CCDC30: variants seen among roughly 807,000 people sequenced by gnomAD.
The protein encoded by CCDC30 is coiled-coil domain-containing protein 30.
In CCDC30, 70 loss-of-function variants were observed where a neutral mutation model predicts 100.2. The observed-to-expected ratio is 0.70, with a 90% CI of 0.58 to 0.85. The LOEUF is 0.85. Ranked by LOEUF, CCDC30 falls within the 40% of genes least tolerant of loss-of-function variation. The probability of loss-of-function intolerance (pLI) is 0.00; values close to 1 mark genes in which losing one functional copy is unlikely to be tolerated. For synonymous variants in CCDC30, 233 were observed against 269.5 expected (o/e 0.86, Z 1.33); for missense variants, 652 against 771.2 (o/e 0.85, Z 1.83).
At chr1:42,538,619 A>T (rs546531392) in intron 6 of CCDC30, among the ~76,000 whole-genome samples, 15 of 152,130 alleles carry the variant, frequency 9.9e-5, no homozygotes, top group South Asian at 2.1e-4. Flanking sequence ...AAATAAATAA[A>T]TTTTTTTTAA....
downstream of CCDC30, among the ~76,000 whole-genome samples, chr1:42,656,231 TTTC>T (rs1213849305): frequency 6.6e-6 from 1 of 152,218 alleles, no homozygotes; most frequent in East Asian, 1.9e-4. Flanking sequence ...ATGTAGTTCT[TTTC>T]TTCTTTTGAA....
intron 11 of CCDC30, among the ~76,000 whole-genome samples, chr1:42,636,207 G>C (rs1303599611): frequency 1.3e-5 from 2 of 151,760 alleles, no homozygotes; most frequent in African/African-American, 4.8e-5. Flanking sequence ...ATAGTTTGAG[G>C]CAGAGTTTAA....
At chr1:42,577,405 C>A (rs976555539) in intron 8 of CCDC30, among the ~76,000 whole-genome samples, 176 bp downstream of exon 12, 1 of 151,948 alleles carries the variant, frequency 6.6e-6, no homozygotes, top group Non-Finnish European at 1.5e-5. Context: ...TTTAGGAATT[C>A]TTGTGTATTT....
intron 1 of CCDC30, among the ~76,000 whole-genome samples, chr1:42,477,369 A>G (rs1237985207): frequency 6.6e-6 from 1 of 152,040 alleles, no homozygotes; most frequent in African/African-American, 2.4e-5. Flanking sequence ...AGCTGGGACT[A>G]CAGATGCACG....
At chr1:42,459,160 T>G (rs1643330210), upstream of CCDC30, 2 of 146,866 alleles carry the variant, frequency 1.4e-5, no homozygotes, top group African/African-American at 5.1e-5. Flanking sequence ...CAAGGCTTTT[T>G]TTTTTTTTTT....
At chr1:42,459,299 A>G (rs757076682), upstream of CCDC30, 3 of 295,868 alleles carry the variant, frequency 1.0e-5, no homozygotes, top group Non-Finnish European at 1.9e-5. Context: ...AGTAGCTGGG[A>G]CTACAGGTGG....
chr1:42,584,343 C>T (rs1467699888), intron 9 of CCDC30, among the ~76,000 whole-genome samples: 1 of 152,190 alleles, frequency 6.6e-6, no homozygotes, highest in Non-Finnish European at 1.5e-5. Context: ...GTAATCCCAG[C>T]ATGTTAGGAG....
chr1:42,551,104 A>G (rs1288553721), intron 6 of CCDC30, among the ~76,000 whole-genome samples: 1 of 152,188 alleles, frequency 6.6e-6, no homozygotes, highest in Non-Finnish European at 1.5e-5. Context: ...ATTTTACTTC[A>G]AAAATCCCAA....
rs1392013492 is a variant in CCDC30 at position 42,546,400 on chromosome 1, ATATATATATATAT to A, written c.457-19895_457-19883del. On this transcript the variant is annotated intron_variant, in intron 6 of 16. Transcript: ENST00000668663. ...AATTCTGTCTCAAAAAAAAAAAAAA[ATATATATATATAT>A]ATATATATATATATATATATATATA... Among the ~76,000 whole-genome samples, 20 of 97,592 alleles carry A rather than the reference ATATATATATATAT, an allele frequency of 2.0e-4. 2 individuals are homozygous for A. The highest frequency in any genetic ancestry group is 9.8e-4 in the South Asian group (3 of 3,068). The allele number at this position is 97,592 out of a possible 152,430, so 64.0% of individuals were successfully genotyped here.
exon 2 of CCDC30, chr1:42,480,514 C>T (rs1376789109): frequency 1.8e-6 from 1 of 566,448 alleles, no homozygotes; most frequent in East Asian, 1.4e-4. Flanking sequence ...GCCTCAACCT[C>T]CTGGGCTCAA....
At chr1:42,470,122 G>T (rs1643719642) in intron 1 of CCDC30, among the ~76,000 whole-genome samples, 2 of 152,158 alleles carry the variant, frequency 1.3e-5, no homozygotes, top group African/African-American at 4.8e-5. Context: ...GTTGGTGAAG[G>T]ATTGAAATGA....
chr1:42,606,025 T>C (rs1250778424), intron 10 of CCDC30, among the ~76,000 whole-genome samples: 1 of 152,168 alleles, frequency 6.6e-6, no homozygotes, highest in Admixed American at 6.5e-5. Context: ...GTTAGGCACG[T>C]TGTGAAAGCG....
At chr1:42,465,864 G>T (rs1030946489) in intron 1 of CCDC30, among the ~76,000 whole-genome samples, 1 of 152,106 alleles carries the variant, frequency 6.6e-6, no homozygotes, top group Non-Finnish European at 1.5e-5. Context: ...GTAGTGCCAG[G>T]GTTGAGAAAC....
At chr1:42,464,229 C>T (rs980856197) in intron 1 of CCDC30, 1 of 151,938 alleles carries the variant, frequency 6.6e-6, no homozygotes, top group Admixed American at 6.6e-5. Context: ...TAAATATAAA[C>T]ATTAAATACT....
intron 8 of CCDC30, among the ~76,000 whole-genome samples, chr1:42,579,751 C>G (rs1645923112): frequency 6.6e-6 from 1 of 151,984 alleles, no homozygotes; most frequent in South Asian, 2.1e-4. Context: ...AATCCCAGCA[C>G]TTTGGGAGGA....
intron 4 of CCDC30, among the ~76,000 whole-genome samples, chr1:42,491,506 T>TAAA (rs34146821): frequency 1.4e-5 from 2 of 144,278 alleles, no homozygotes; most frequent in Non-Finnish European, 3.0e-5. Context: ...GGTTAATGGG[T>TAAA]AAAAAAAAAA....
At chr1:42,526,474 C>T (rs1389679535) in intron 6 of CCDC30, among the ~76,000 whole-genome samples, 1 of 152,004 alleles carries the variant, frequency 6.6e-6, no homozygotes, top group African/African-American at 2.4e-5. Flanking sequence ...GATATCATCC[C>T]AGAACTATCT....
chr1:42,543,374 T>C (rs1001711874), intron 6 of CCDC30, among the ~76,000 whole-genome samples: 1 of 151,768 alleles, frequency 6.6e-6, no homozygotes, highest in Non-Finnish European at 1.5e-5. Flanking sequence ...CACGCTGGAG[T>C]GCTGTGGCAC....
At chr1:42,599,396 T>C (rs1327026453) in intron 10 of CCDC30, among the ~76,000 whole-genome samples, 1 of 151,892 alleles carries the variant, frequency 6.6e-6, no homozygotes, top group Non-Finnish European at 1.5e-5. Context: ...CTAGAAAAAA[T>C]AGAAAGAAGT....
Sources: gnomAD v4.1 joint callset for allele counts (sites outside exome capture counted in the v4.1 genomes callset) on GRCh38, gnomAD v4.1.1 for gene constraint, MANE v1.5 for transcripts, NCBI Gene and HGNC (gene_info 2026-07-23, HGNC 2026-07-21) for gene names.